The following CYP26C1 variants were observed in gnomAD, a reference collection of about 807,000 sequenced individuals.
CYP26C1 encodes cytochrome P450 family 26 subfamily C member 1.
In CYP26C1, 41 loss-of-function variants were observed where a neutral mutation model predicts 39.1. The observed-to-expected ratio is 1.05, with a 90% CI of 0.82 to 1.36. The LOEUF is 1.36. Ranked by LOEUF, CYP26C1 falls within the 40% of genes most tolerant of loss-of-function variation. The probability of loss-of-function intolerance (pLI) is 0.00; values close to 1 mark genes in which losing one functional copy is unlikely to be tolerated. For missense variants in CYP26C1, 833 were observed against 752.0 expected (o/e 1.11, Z -1.26); for synonymous variants, 362 against 350.8 (o/e 1.03, Z -0.36).
chr10:93,069,460 T>C lies in CYP26C1; in HGVS notation c.*763T>C, dbSNP rs1160810219. On this transcript the variant is annotated 3_prime_UTR_variant, in exon 6 of 6. Transcript: ENST00000651965. Reference sequence around the variant, plus strand: ...AACGCTGGATTATTTTCATGGGAGGTTGAGACATAATTAGAGAGGTTTGAG... The same window carrying C: ...AACGCTGGATTATTTTCATGGGAGGCTGAGACATAATTAGAGAGGTTTGAG... The C allele has an allele frequency of 3.9e-5, 6 of 152,176 alleles. No homozygotes were observed. Among genetic ancestry groups the C allele is most frequent in the Admixed American group, 3.3e-4 (5 of 15,270 alleles). The allele number at this position is 152,176 out of a possible 1,614,324, so 9.4% of individuals were successfully genotyped here. A position where few individuals can be genotyped will look rare whatever the true frequency, so the allele number is the denominator to read the frequency against.
chr10:93,064,661 T>A (rs940023160), intron 4 of CYP26C1, 125 bp downstream of exon 4: 2 of 1,476,826 alleles, frequency 1.4e-6, no homozygotes. Context: ...GTCCTCAAGA[T>A]GAGGGGCAAG....
In CYP26C1 at chr10:93,068,883, C is replaced by A. The variant is rs1369865624; in HGVS notation, c.*186C>A. The A allele has an allele frequency of 3.8e-6, 4 of 1,061,584 alleles. No individual in the cohort carries two copies. Among genetic ancestry groups the A allele is most frequent in the Non-Finnish European group, 5.1e-6 (4 of 786,434 alleles). The allele number at this position is 1,061,584 out of a possible 1,614,324, so 65.8% of individuals were successfully genotyped here. On this transcript the variant is annotated 3_prime_UTR_variant, in exon 6 of 6. Transcript: ENST00000651965. ...GAAGGAGGAGGGCGAGCCACCGCTGCCGCGCCAGAGAAGCATCTAAGCCCA... is the reference window on the plus strand; with the variant it reads ...GAAGGAGGAGGGCGAGCCACCGCTGACGCGCCAGAGAAGCATCTAAGCCCA...
chr10:93,066,943 C>T (rs1016938345), intron 5 of CYP26C1, among the ~76,000 whole-genome samples: 1 of 152,266 alleles, frequency 6.6e-6, no homozygotes, highest in Non-Finnish European at 1.5e-5. Context: ...AGCTCTGACA[C>T]TCCATCCAGG....
Position 93,064,481 on chromosome 10 carries a change from TA to T in CYP26C1, c.808del (p.Ile270SerfsTer17). On this transcript the variant is annotated frameshift_variant, in exon 4 of 6. Coordinates refer to ENST00000651965, the MANE Select transcript of CYP26C1 (RefSeq NM_183374.3). LOFTEE classifies it high-confidence loss of function. ...KAAEPGDALD[L>X]IIHSARELGH... ...GCAGAGCCGGGTGATGCCCTCGACC[TA>T]ATCATTCACAGTGCAAGGGAGCTGG... The T allele has an allele frequency of 6.2e-7, 1 of 1,614,150 alleles. No homozygotes were observed. The highest frequency in any genetic ancestry group is 1.3e-5 in the African/African-American group (1 of 75,074).
chr10:93,063,644 A>G, intron 3 of CYP26C1: 1 of 985,484 alleles, frequency 1.0e-6, no homozygotes, highest in Non-Finnish European at 1.2e-6. Context: ...CATAAAAATA[A>G]TATGTGTAAA....
In CYP26C1 at chr10:93,061,024, C is replaced by T; in HGVS notation, c.-240C>T. On this transcript the variant is annotated 5_prime_UTR_variant, in exon 1 of 6. Coordinates refer to ENST00000651965, the MANE Select transcript of CYP26C1 (RefSeq NM_183374.3). ...TGGGCCCAGGAGCCAGGAAAAAGTCCTGAGCGTGCCGGCCTCGAGGAAGGC... is the reference window on the plus strand; with the variant it reads ...TGGGCCCAGGAGCCAGGAAAAAGTCTTGAGCGTGCCGGCCTCGAGGAAGGC... 2 of 523,458 alleles carry T rather than the reference C, an allele frequency of 3.8e-6. No individual in the cohort carries two copies. Among genetic ancestry groups the T allele is most frequent in the Non-Finnish European group, 6.6e-6 (2 of 301,638 alleles). The allele number at this position is 523,458 out of a possible 1,614,324, so 32.4% of individuals were successfully genotyped here. A position where few individuals can be genotyped will look rare whatever the true frequency, so the allele number is the denominator to read the frequency against.
chr10:93,061,996 C>A lies in CYP26C1; in HGVS notation c.205-14C>A. 1 of 1,551,462 alleles carries A rather than the reference C, an allele frequency of 6.4e-7. No homozygotes were observed. Among genetic ancestry groups the A allele is most frequent in the Non-Finnish European group, 8.7e-7 (1 of 1,147,098 alleles). On this transcript the variant is annotated splice_polypyrimidine_tract_variant and intron_variant, in intron 1 of 5. Coordinates refer to ENST00000651965, the MANE Select transcript of CYP26C1 (RefSeq NM_183374.3). ...CCAGAAGTTCCAGCTCTCCACCCTC[C>A]GCCTCGCCCGCAGGGCTCGCGCTTC...
rs142662267 is a variant in CYP26C1, at chr10:93,061,310, G to C, written c.47G>C (p.Gly16Ala). 1.3e-4 allele frequency: 206 copies of C among 1,596,588 alleles called. No individual in the cohort carries two copies. In the African/African-American group the frequency reaches 2.5e-3, roughly 19 times the overall value. ...LSCLSVLGAA[G>A]TALLCAGLLL... ...TGCCTGTCAGTGCTGGGGGCGGCGG[G>C]CACTGCTCTCCTGTGCGCGGGCCTG... Residue 16 changes from glycine (G) to alanine (A), a missense_variant, in exon 1 of 6, where the codon GGC (glycine) becomes GCC (alanine). Physicochemically the swap from Gly to Ala is moderately conservative, Grantham distance 60 (BLOSUM62 0). Transcript: ENST00000651965.
In CYP26C1 at chr10:93,062,966, C is replaced by CT; in HGVS notation, c.677dup (p.Asp227GlyfsTer27). The stretch of plus-strand genomic sequence containing the variant: ...CGTGGAGAACCTCTTCTCACTGCCT[C>CT]TGGACGTTCCCTTCAGTGGCCTACG... On this transcript the variant is annotated frameshift_variant, in exon 3 of 6. Transcript: ENST00000651965. LOFTEE classifies it high-confidence loss of function. 1 of 1,597,652 alleles carries CT rather than the reference C, an allele frequency of 6.3e-7. No individual in the cohort carries two copies. The highest frequency in any genetic ancestry group is 8.5e-7 in the Non-Finnish European group (1 of 1,175,298).
chr10:93,068,216 T>C (rs1846851363), intron 5 of CYP26C1, 104 bp from the exon 6 acceptor site: 2 of 1,369,154 alleles, frequency 1.5e-6, no homozygotes. Context: ...GGATTCCTCC[T>C]GGTTTTCGGA....
Position 93,068,732 on chromosome 10 carries a change from G to C in CYP26C1, c.*35G>C, listed in dbSNP as rs1846861253. On this transcript the variant is annotated 3_prime_UTR_variant, in exon 6 of 6. Transcript: ENST00000651965. ...GCTCTAGGACACGGCTTGGCCGGTG[G>C]CTATGGCGCGCACGCAGCGCCACCC... 8 of 1,471,750 alleles carry C rather than the reference G, an allele frequency of 5.4e-6. No homozygotes were observed. The highest frequency in any genetic ancestry group is 7.2e-6 in the Non-Finnish European group (8 of 1,112,930). 91.2% of individuals were successfully genotyped at this position (1,471,750 alleles called of 1,614,324 possible). A position where few individuals can be genotyped will look rare whatever the true frequency, so the allele number is the denominator to read the frequency against.
intron 3 of CYP26C1, 55 bp from the exon 4 acceptor site, chr10:93,064,326 G>A (rs937967254): frequency 1.7e-5 from 27 of 1,550,142 alleles, no homozygotes; most frequent in East Asian, 2.3e-5. Context: ...GTAAGTGGCC[G>A]GGCTTGGCCC....
In CYP26C1 at chr10:93,068,779, C is replaced by A; in HGVS notation, c.*82C>A. On this transcript the variant is annotated 3_prime_UTR_variant, in exon 6 of 6. Transcript: ENST00000651965. ...ACCCATCTGCCGCTCCCCATTGTAGCGTCGCGCGCCCACTCTTTCACTCGT... is the reference window on the plus strand; with the variant it reads ...ACCCATCTGCCGCTCCCCATTGTAGAGTCGCGCGCCCACTCTTTCACTCGT... 2 of 1,440,860 alleles carry A rather than the reference C, an allele frequency of 1.4e-6. No homozygotes were observed. Among genetic ancestry groups the A allele is most frequent in the Non-Finnish European group, 1.8e-6 (2 of 1,096,914 alleles). 89.3% of individuals were successfully genotyped at this position (1,440,860 alleles called of 1,614,324 possible).
At position 93,061,450 on chromosome 10, in the gene CYP26C1, C is replaced by T; in HGVS notation, c.187C>T (p.Leu63=). 6.4e-7 allele frequency: 1 copy of T among 1,552,084 alleles called. No homozygotes were observed. The highest frequency in any genetic ancestry group is 8.7e-7 in the Non-Finnish European group (1 of 1,148,262). The part of the protein sequence containing the change: ...SMGWPFFGET[L]HWLVQGSRFH... ...GGGGTGGCCCTTCTTCGGCGAAACGCTGCACTGGTTAGTTCAGGTGAGCAG... is the reference window on the plus strand; with the variant it reads ...GGGGTGGCCCTTCTTCGGCGAAACGTTGCACTGGTTAGTTCAGGTGAGCAG... The change falls in exon 1 of 6, where the codon CTG becomes TTG. Residue 63 remains leucine, a synonymous_variant. Coordinates refer to ENST00000651965, the MANE Select transcript of CYP26C1 (RefSeq NM_183374.3).
At chr10:93,061,952 G>C (rs1204126344) in intron 1 of CYP26C1, 58 bp from the exon 2 acceptor site, 4 of 1,516,148 alleles carry the variant, frequency 2.6e-6, no homozygotes, top group Non-Finnish European at 3.6e-6. Context: ...GAAGGTCTGG[G>C]TCAGATCCCA....
In CYP26C1 at chr10:93,062,737, C is replaced by G; in HGVS notation, c.447C>G (p.Phe149Leu). 7.0e-7 allele frequency: 1 copy of G among 1,436,430 alleles called. No homozygotes were observed. The highest frequency in any genetic ancestry group is 9.0e-7 in the Non-Finnish European group (1 of 1,105,914). 89.0% of individuals were successfully genotyped at this position (1,436,430 alleles called of 1,614,324 possible). A position where few individuals can be genotyped will look rare whatever the true frequency, so the allele number is the denominator to read the frequency against. Residue 149 changes from phenylalanine to leucine, a missense_variant, in exon 3 of 6, where the codon TTC (phenylalanine) becomes TTG (leucine). Phe to Leu is a conservative substitution (Grantham distance 22). Transcript: ENST00000651965. ...TCCCACAGGTCCTGGCGCGCGTGTT[C>G]AGCCGCGCCGCGCTGGAGCGCTACG... The part of the protein sequence containing the change: ...RRRRKVLARV[F>L]SRAALERYVP...
chr10:93,062,679 G>A, intron 2 of CYP26C1, 41 bp from the exon 3 acceptor site: 1 of 1,388,942 alleles, frequency 7.2e-7, no homozygotes, highest in Non-Finnish European at 9.3e-7. Context: ...AAGCAGATGA[G>A]GCCAGACCGC....
chr10:93,064,187 T>C (rs1846787538), intron 3 of CYP26C1, 194 bp from the exon 4 acceptor site: 1 of 1,372,230 alleles, frequency 7.3e-7, no homozygotes, highest in South Asian at 1.6e-5. Context: ...CAAGACAGAA[T>C]GATGTTTGTG....
chr10:93,062,179 T>G lies in CYP26C1; in HGVS notation c.374T>G (p.Leu125Arg). Residue 125 changes from leucine to arginine, a missense_variant, in exon 2 of 6, where the codon CTG (leucine) becomes CGG (arginine). Transcript: ENST00000651965. ...SQWPQSAHIL[L>R]GSHTLLGAVG... is the part of the protein sequence containing the mutation. ...TGGCCGCAGAGTGCGCACATCCTGC[T>G]GGGCTCGCACACACTGCTAGGTGCG... is the stretch of plus-strand genomic sequence containing the variant. 6.5e-7 allele frequency: 1 copy of G among 1,537,432 alleles called. No individual in the cohort carries two copies. Among genetic ancestry groups the G allele is most frequent in the Non-Finnish European group, 8.7e-7 (1 of 1,146,484 alleles).
Sources: gnomAD v4.1 joint callset for allele counts (sites outside exome capture counted in the v4.1 genomes callset) on GRCh38, gnomAD v4.1.1 for gene constraint, MANE v1.5 for transcripts, NCBI Gene and HGNC (gene_info 2026-07-23, HGNC 2026-07-21) for gene names.